Variants in TRIM27 observed in about 807,000 individuals in gnomAD.
TRIM27 encodes tripartite motif containing 27.
A neutral mutation model predicts 57.6 loss-of-function variants in TRIM27; 12 were observed. That is an observed-to-expected ratio of 0.21 (90% CI 0.13 to 0.34). The LOEUF is 0.34. Among genes scored for constraint, TRIM27 ranks in the 10% least tolerant of loss-of-function variants. The pLI, the probability that TRIM27 is intolerant of heterozygous loss-of-function variation, is 1.00. For synonymous variants in TRIM27, 266 were observed against 259.0 expected, an observed-to-expected ratio of 1.03 and a Z score of -0.26; for missense variants, 403 against 656.8, an observed-to-expected ratio of 0.61 and a Z score of 4.22.
At chr6:28,912,139 G>A (rs1034875594) in intron 3 of TRIM27, among the ~76,000 whole-genome samples, 1 of 141,590 alleles carries the variant, frequency 7.1e-6, no homozygotes, top group Non-Finnish European at 1.5e-5. Flanking sequence ...ACGGAGTCTC[G>A]CTCTGTGTAG....
At chr6:28,922,040 A>G (rs746172056) in intron 1 of TRIM27, 53 bp from the exon 2 acceptor site, 86 of 1,323,788 alleles carry the variant, frequency 6.5e-5, no homozygotes, top group Non-Finnish European at 8.8e-5. Flanking sequence ...CCTTAGCATC[A>G]GCATGGTACT....
In TRIM27 at chr6:28,904,935, T is replaced by C. The variant is rs1487321491; in HGVS notation, c.947-270A>G. ...TCCATCATGAACTGATTTTAAGAGATAGGGTCTTGCTCTGTTGCCTAGGCT... is the reference window on the plus strand; with the variant it reads ...TCCATCATGAACTGATTTTAAGAGACAGGGTCTTGCTCTGTTGCCTAGGCT... On this transcript the variant is annotated intron_variant, in intron 7 of 7. Coordinates refer to ENST00000377199, the MANE Select transcript of TRIM27 (RefSeq NM_006510.5). The surrounding 1 kb of genome is among the most constrained non-coding windows in gnomAD (Gnocchi z 6.1). 1.6e-5 allele frequency: 8 copies of C among 494,738 alleles called. No homozygotes were observed. Among genetic ancestry groups the C allele is most frequent in the East Asian group, 3.2e-5 (1 of 31,492 alleles). The allele number at this position is 494,738 out of a possible 1,614,324, so 30.6% of individuals were successfully genotyped here.
At chr6:28,922,040 A>T (rs746172056) in intron 1 of TRIM27, 53 bp from the exon 2 acceptor site, 12 of 1,323,790 alleles carry the variant, frequency 9.1e-6, no homozygotes, top group Non-Finnish European at 1.3e-5. Context: ...CCTTAGCATC[A>T]GCATGGTACT....
In TRIM27 at chr6:28,908,961, T is replaced by C. The variant is rs1369970724; in HGVS notation, c.886+12A>G. On this transcript the variant is annotated intron_variant, in intron 5 of 7. Transcript: ENST00000377199. ...AATCCATTTCCCCTCATGACACCTC[T>C]CCTCACATTACCTGTGAACTGCTTT... The C allele has an allele frequency of 6.2e-7, 1 of 1,606,376 alleles. No individual in the cohort carries two copies. The highest frequency in any genetic ancestry group is 2.2e-5 in the East Asian group (1 of 44,832).
intron 7 of TRIM27, chr6:28,906,084 T>G (rs1275135858): frequency 1.3e-5 from 2 of 152,170 alleles, no homozygotes; most frequent in Admixed American, 1.3e-4. Flanking sequence ...ATGCCTGTAA[T>G]TCCAGCTACT....
Position 28,923,457 on chromosome 6 carries a change from G to A in TRIM27, c.176C>T (p.Thr59Ile). The change falls in exon 1 of 8, where the codon ACC (threonine) becomes ATC (isoleucine). Residue 59 changes from threonine to isoleucine, a missense_variant. Coordinates refer to ENST00000377199, the MANE Select transcript of TRIM27 (RefSeq NM_006510.5). ...TNVSCPQCRE[T>I]FPQRHMRPNR... ...GGGCCGCATGTGCCTCTGCGGGAAG[G>A]TCTCCCGGCACTGCGGGCACGACAC... The A allele has an allele frequency of 1.2e-6, 2 of 1,612,186 alleles. No homozygotes were observed. The highest frequency in any genetic ancestry group is 1.7e-5 in the Admixed American group (1 of 59,956).
rs546798772 is a variant in TRIM27 at position 28,911,732 on chromosome 6, GA to G, written c.748-15del. The G allele has an allele frequency of 6.2e-6, 10 of 1,605,320 alleles. No individual in the cohort carries two copies. Among genetic ancestry groups the G allele is most frequent in the Admixed American group, 3.4e-5 (2 of 58,256 alleles). On this transcript the variant is annotated splice_polypyrimidine_tract_variant and intron_variant, in intron 3 of 7. Transcript: ENST00000377199. ...GTCCCCAATGTCCTGCAAGAGAAAG[GA>G]AAAAAAATAACCATGAGAAGTCATT... is the stretch of plus-strand genomic sequence containing the variant.
chr6:28,921,937 CT>C lies in TRIM27; in HGVS notation c.470del (p.Lys157ArgfsTer16). On this transcript the variant is annotated frameshift_variant, in exon 2 of 8. Coordinates refer to ENST00000377199, the MANE Select transcript of TRIM27 (RefSeq NM_006510.5). LOFTEE classifies it high-confidence loss of function. ...LDHLKRVKDL[K>X]KRRRAQGEQA... ...GTTCCCCCTGGGCCCGACGTCTCTT[CT>C]TTAAATCTTTCACTCTTTTTAAATG... is the stretch of plus-strand genomic sequence containing the variant. 1 of 1,613,112 alleles carries C rather than the reference CT, an allele frequency of 6.2e-7. No individual in the cohort carries two copies. The highest frequency in any genetic ancestry group is 8.5e-7 in the Non-Finnish European group (1 of 1,180,040).
At chr6:28,922,100 G>C (rs776102086) in intron 1 of TRIM27, 113 bp from the exon 2 acceptor site, 1 of 805,914 alleles carries the variant, frequency 1.2e-6, no homozygotes, top group South Asian at 1.5e-5. Context: ...TCCAGTTGGC[G>C]CTTGTCCTTA....
intron 3 of TRIM27, 138 bp downstream of exon 3, chr6:28,919,874 C>T (rs1264539233): frequency 1.4e-6 from 1 of 734,244 alleles, no homozygotes; most frequent in Non-Finnish European, 2.2e-6. Flanking sequence ...TTCCAAGGTG[C>T]ACAATATAGA....
At chr6:28,912,208 C>T (rs192268495) in intron 3 of TRIM27, among the ~76,000 whole-genome samples, 32 of 150,936 alleles carry the variant, frequency 2.1e-4, no homozygotes, top group East Asian at 2.0e-4. Context: ...CACCCGGGTT[C>T]GAGCAATTCT....
Position 28,904,513 on chromosome 6 carries a change from T to C in TRIM27, c.1099A>G (p.Ile367Val). ...ACCTCCCAATAATGTCTCCCGGCGATGAAGCATGGAGAGCCCAAGACACAG... is the reference window on the plus strand; with the variant it reads ...ACCTCCCAATAATGTCTCCCGGCGACGAAGCATGGAGAGCCCAAGACACAG... ...FPCVLGSPCFIAGRHYWEVEV... is the reference protein window; with the variant it reads ...FPCVLGSPCFVAGRHYWEVEV... Residue 367 changes from isoleucine to valine, a missense_variant, in exon 8 of 8, where the codon ATC (isoleucine) becomes GTC (valine). Ile to Val is a conservative substitution (Grantham distance 29). Coordinates refer to ENST00000377199, the MANE Select transcript of TRIM27 (RefSeq NM_006510.5). This position sits in a 1 kb window ranked among gnomAD's most constrained non-coding sequence, Gnocchi z 6.1. 6.2e-7 allele frequency: 1 copy of C among 1,612,986 alleles called. No individual in the cohort carries two copies. Among genetic ancestry groups the C allele is most frequent in the Non-Finnish European group, 8.5e-7 (1 of 1,180,026 alleles).
At chr6:28,914,308 T>G (rs1481518645) in intron 3 of TRIM27, among the ~76,000 whole-genome samples, 1 of 151,780 alleles carries the variant, frequency 6.6e-6, no homozygotes, top group Non-Finnish European at 1.5e-5. Context: ...CTAATTTTTG[T>G]ATTTTTAATA....
intron 7 of TRIM27, chr6:28,907,000 T>C (rs1772816893): frequency 1.9e-6 from 1 of 528,476 alleles, no homozygotes. Context: ...ATAATCCTTC[T>C]TTAACACCTG....
Position 28,904,217 on chromosome 6 carries a change from G to A in TRIM27, c.1395C>T (p.Thr465=). The stretch of plus-strand genomic sequence containing the variant: ...AGTAGGGCCGGACAGGCCCACAAAA[G>A]GTAGCATGAGAGAAAGTGAAGGTGT... ...RCHTFTFSHA[T]FCGPVRPYFS... The change falls in exon 8 of 8, where the codon ACC becomes ACT. Residue 465 remains threonine (T), a synonymous_variant. Transcript: ENST00000377199. The surrounding 1 kb of genome is among the most constrained non-coding windows in gnomAD (Gnocchi z 6.1). The A allele has an allele frequency of 6.2e-7, 1 of 1,613,104 alleles. No individual in the cohort carries two copies. The highest frequency in any genetic ancestry group is 1.1e-5 in the South Asian group (1 of 91,086).
At chr6:28,916,087 T>C (rs1269272760) in intron 3 of TRIM27, among the ~76,000 whole-genome samples, 1 of 151,904 alleles carries the variant, frequency 6.6e-6, no homozygotes, top group African/African-American at 2.4e-5. Flanking sequence ...TGGCTAATTT[T>C]TGTATTTTTA....
chr6:28,919,137 C>T (rs1773837709), intron 3 of TRIM27, among the ~76,000 whole-genome samples: 1 of 152,034 alleles, frequency 6.6e-6, no homozygotes, highest in Non-Finnish European at 1.5e-5. Flanking sequence ...CTCAGCCTCC[C>T]GCGTAGCTGG....
At position 28,923,763 on chromosome 6, in the gene TRIM27, G is replaced by A. The variant is rs1774260175; in HGVS notation, c.-131C>T. 2.8e-6 allele frequency: 3 copies of A among 1,062,010 alleles called. No individual in the cohort carries two copies. The African/African-American group carries it at 4.9e-5, about 17-fold the overall frequency. 65.8% of individuals were successfully genotyped at this position (1,062,010 alleles called of 1,614,324 possible). Reference sequence around the variant, plus strand: ...GGCGGACGGAGGGCGGCGCCTCCCGGGCCCGTATCCCAGACGCGCCCGCGC... The same window carrying A: ...GGCGGACGGAGGGCGGCGCCTCCCGAGCCCGTATCCCAGACGCGCCCGCGC... On this transcript the variant is annotated 5_prime_UTR_variant, in exon 1 of 8. Coordinates refer to ENST00000377199, the MANE Select transcript of TRIM27 (RefSeq NM_006510.5).
At position 28,904,134 on chromosome 6, in the gene TRIM27, C is replaced by T. The variant is rs1016820503; in HGVS notation, c.1478G>A (p.Ser493Asn). The stretch of plus-strand genomic sequence containing the variant: ...ATGGCCAGAAAACCCATCTATCCCA[C>T]TCATGGGGCAGATGATCAGAGGAGC... ...SAAPLIICPM[S>N]GIDGFSGHVG... Residue 493 changes from serine to asparagine, a missense_variant, in exon 8 of 8, where the codon AGT becomes AAT. Coordinates refer to ENST00000377199, the MANE Select transcript of TRIM27 (RefSeq NM_006510.5). The surrounding 1 kb of genome is among the most constrained non-coding windows in gnomAD (Gnocchi z 6.1). The T allele has an allele frequency of 6.2e-7, 1 of 1,613,092 alleles. No individual in the cohort carries two copies. The highest frequency in any genetic ancestry group is 8.5e-7 in the Non-Finnish European group (1 of 1,180,040).
Sources: allele counts gnomAD v4.1 joint callset (sites outside exome capture counted in the v4.1 genomes callset), GRCh38; gene constraint gnomAD v4.1.1; non-coding constraint Gnocchi (gnomAD v3.1); transcripts MANE v1.5; gene names NCBI Gene and HGNC (gene_info 2026-07-23, HGNC 2026-07-21).